The following ZNF92 variants were observed in gnomAD, a reference collection of about 807,000 sequenced individuals.
The protein encoded by ZNF92 is zinc finger protein 92, also known as epididymis luminal protein 203.
In ZNF92, 11 loss-of-function variants were observed where a neutral mutation model predicts 12.4. That is an observed-to-expected ratio of 0.89 (90% CI 0.56 to 1.47). ZNF92 has a LOEUF of 1.47. Among genes scored for constraint, ZNF92 ranks in the 40% most tolerant of loss-of-function variants. The pLI is 0.00. For synonymous variants in ZNF92, 206 were observed against 228.6 expected (o/e 0.90, Z 0.89); for missense variants, 622 against 681.0 (o/e 0.91, Z 0.96).
chr7:65,397,624 A>G (rs947461982), intron 3 of ZNF92, among the ~76,000 whole-genome samples: 2 of 152,010 alleles, frequency 1.3e-5, no homozygotes, highest in African/African-American at 2.4e-5. Context: ...TACAATCTTT[A>G]TTATGTAGCC....
At chr7:65,384,178 A>G (rs1414896118) in intron 1 of ZNF92, among the ~76,000 whole-genome samples, 1 of 152,218 alleles carries the variant, frequency 6.6e-6, no homozygotes, top group African/African-American at 2.4e-5. Context: ...ATTGCTTATT[A>G]GTATATGTTA....
chr7:65,385,942 T>G (rs1326585676), intron 1 of ZNF92, among the ~76,000 whole-genome samples: 1 of 152,040 alleles, frequency 6.6e-6, no homozygotes, highest in Non-Finnish European at 1.5e-5. Context: ...AAACCTTCTC[T>G]ACTTGTGCTT....
rs1793629485 is a variant in ZNF92 at position 65,388,465 on chromosome 7, C to G, written c.131-341C>G. 1.9e-5 allele frequency: 4 copies of G among 208,108 alleles called. 1 individual carries two copies. In the South Asian group the frequency reaches 2.9e-4, roughly 15 times the overall value. The allele number at this position is 208,108 out of a possible 1,614,324, so 12.9% of individuals were successfully genotyped here. On this transcript the variant is annotated intron_variant, in intron 2 of 3. Coordinates refer to ENST00000328747, the MANE Select transcript of ZNF92 (RefSeq NM_152626.4). ...AGCAGCCTGGCCAACATGGTGAAAC[C>G]CTGTCTCTACTAAAAATAAAAAAAT...
intron 1 of ZNF92, among the ~76,000 whole-genome samples, chr7:65,382,379 A>G (rs1179142992): frequency 6.6e-6 from 1 of 152,082 alleles, no homozygotes; most frequent in African/African-American, 2.4e-5. Flanking sequence ...CTTACCACAC[A>G]TGATATAAAC....
chr7:65,392,078 T>C (rs1793731050), intron 3 of ZNF92, among the ~76,000 whole-genome samples: 1 of 152,132 alleles, frequency 6.6e-6, no homozygotes, highest in African/African-American at 2.4e-5. Context: ...TTGTACACTT[T>C]AAGTGAATGT....
chr7:65,396,152 T>C (rs1467810041), intron 3 of ZNF92, among the ~76,000 whole-genome samples: 1 of 152,132 alleles, frequency 6.6e-6, no homozygotes, highest in African/African-American at 2.4e-5. Context: ...AGTCAAGTGA[T>C]CAGCTCACCT....
chr7:65,394,874 G>A (rs1407013066), intron 3 of ZNF92, among the ~76,000 whole-genome samples: 1 of 152,026 alleles, frequency 6.6e-6, no homozygotes, highest in African/African-American at 2.4e-5. Context: ...TCAAACTCCT[G>A]ACCTCAGGTG....
rs1211126328 is a variant in ZNF92 at position 65,398,626 on chromosome 7, A to C, written c.512A>C (p.Lys171Thr). The C allele has an allele frequency of 6.2e-7, 1 of 1,611,918 alleles. No homozygotes were observed. The highest frequency in any genetic ancestry group is 8.5e-7 in the Non-Finnish European group (1 of 1,179,376). The change falls in exon 4 of 4, where the codon AAA (lysine) becomes ACA (threonine). Residue 171 changes from lysine (K) to threonine (T), a missense_variant. By Grantham distance (78) the Lys-to-Thr change is moderately conservative. Coordinates refer to ENST00000328747, the MANE Select transcript of ZNF92 (RefSeq NM_152626.4). The stretch of plus-strand genomic sequence containing the variant: ...AATAAGATAAGACATACTGGAAAGA[A>C]ACCTTTCAAATGTAAAAACCGTGGC... ...NRNKIRHTGK[K>T]PFKCKNRGKS...
At chr7:65,393,715 T>C (rs1159455580) in intron 3 of ZNF92, among the ~76,000 whole-genome samples, 1 of 152,142 alleles carries the variant, frequency 6.6e-6, no homozygotes, top group African/African-American at 2.4e-5. Flanking sequence ...GATTTTGTTT[T>C]TCATTGTGCT....
intron 3 of ZNF92, among the ~76,000 whole-genome samples, chr7:65,394,432 A>G (rs918759333): frequency 3.3e-5 from 5 of 151,940 alleles, no homozygotes; most frequent in Non-Finnish European, 5.9e-5. Context: ...TCAGTACCAC[A>G]TTGTTTTTGT....
chr7:65,398,343 A>G lies in ZNF92; in HGVS notation c.229A>G (p.Met77Val), dbSNP rs1562798025. The G allele has an allele frequency of 6.5e-7, 1 of 1,536,094 alleles. No individual in the cohort carries two copies. ...RHEMVDKTPV[M>V]CSHFAQDVWP... ...CTTGTTATTTTTATTTTTTTCAGTT[A>G]TGTGTTCTCATTTTGCCCAAGATGT... Residue 77 changes from methionine (M) to valine (V), a missense_variant and splice_region_variant, in exon 4 of 4, where the codon ATG (methionine) becomes GTG (valine). Coordinates refer to ENST00000328747, the MANE Select transcript of ZNF92 (RefSeq NM_152626.4).
intron 1 of ZNF92, among the ~76,000 whole-genome samples, chr7:65,377,953 A>T (rs1366946089): frequency 6.6e-6 from 1 of 152,190 alleles, no homozygotes; most frequent in Non-Finnish European, 1.5e-5. Flanking sequence ...GGAAGTACCA[A>T]CTACAAGATC....
At position 65,399,118 on chromosome 7, in the gene ZNF92, A is replaced by G; in HGVS notation, c.1004A>G (p.His335Arg). Residue 335 changes from histidine (H) to arginine (R), a missense_variant, in exon 4 of 4, where the codon CAT becomes CGT. Coordinates refer to ENST00000328747, the MANE Select transcript of ZNF92 (RefSeq NM_152626.4). ...ATTCTTAAAAAACATAAGATAATCCATACTGGGGAAAAACCATACAAATGT... is the reference window on the plus strand; with the variant it reads ...ATTCTTAAAAAACATAAGATAATCCGTACTGGGGAAAAACCATACAAATGT... ...FSILKKHKII[H>R]TGEKPYKCEE... 1 of 1,613,034 alleles carries G rather than the reference A, an allele frequency of 6.2e-7. No homozygotes were observed.
intron 1 of ZNF92, among the ~76,000 whole-genome samples, chr7:65,377,221 G>C (rs773059404): frequency 6.6e-6 from 1 of 152,082 alleles, no homozygotes; most frequent in African/African-American, 2.4e-5. Context: ...CCAAGAGAAT[G>C]ACTCTAACAT....
intron 3 of ZNF92, among the ~76,000 whole-genome samples, chr7:65,395,606 A>C (rs3912496): frequency 0.25 from 37,956 of 152,024 alleles, 6,211 homozygotes; most frequent in Non-Finnish European, 0.35. Flanking sequence ...ATGGCTTGGC[A>C]CTATCCTCTT....
intron 1 of ZNF92, among the ~76,000 whole-genome samples, chr7:65,385,641 C>T (rs144917375): frequency 6.6e-6 from 1 of 151,488 alleles, no homozygotes; most frequent in African/African-American, 2.4e-5. Context: ...CATAGAGCAG[C>T]TTATTTTTCC....
Position 65,388,043 on chromosome 7 carries a change from A to G in ZNF92, c.130+15A>G. 6.3e-7 allele frequency: 1 copy of G among 1,576,450 alleles called. No homozygotes were observed. Among genetic ancestry groups the G allele is most frequent in the East Asian group, 2.3e-5 (1 of 43,610 alleles). ...GGTCTTCCTTGGTGAGGATAACTTC[A>G]ATACACAATACACAATGCTCTAAAA... On this transcript the variant is annotated intron_variant, in intron 2 of 3. Coordinates refer to ENST00000328747, the MANE Select transcript of ZNF92 (RefSeq NM_152626.4).
chr7:65,398,253 A>T, intron 3 of ZNF92, 88 bp from the exon 4 acceptor site: 1 of 1,120,300 alleles, frequency 8.9e-7, no homozygotes, highest in Non-Finnish European at 1.2e-6. Context: ...CTTATGTTGT[A>T]GTTTGTACAA....
chr7:65,381,528 T>G lies in ZNF92; in HGVS notation c.4-6374T>G, dbSNP rs556793752. 3.7e-4 allele frequency among the ~76,000 whole-genome samples: 56 copies of G among 152,206 alleles called. 1 individual carries two copies. The highest frequency in any genetic ancestry group is 1.3e-3 in the African/African-American group (56 of 41,528). On this transcript the variant is annotated intron_variant, in intron 1 of 3. Transcript: ENST00000328747. ...GTTTTTGTTTTCTGTGAAGATGCTC[T>G]TTAGTTTAATTTGGTCCCATTTATC... is the stretch of plus-strand genomic sequence containing the variant.
Sources: allele counts gnomAD v4.1 joint callset (sites outside exome capture counted in the v4.1 genomes callset), GRCh38; gene constraint gnomAD v4.1.1; transcripts MANE v1.5; gene names NCBI Gene and HGNC (gene_info 2026-07-23, HGNC 2026-07-21).